Variants in NUAK2 observed in about 807,000 individuals in gnomAD.
NUAK2 encodes NUAK family kinase 2.
NUAK2 carries 20 observed loss-of-function variants against 29.8 expected under a neutral mutation model. The observed-to-expected ratio is 0.67, with a 90% CI of 0.47 to 0.98. NUAK2 has a LOEUF of 0.98. Ranked by LOEUF, NUAK2 falls within the 50% of genes least tolerant of loss-of-function variation. The pLI is 0.00. For synonymous variants in NUAK2, 331 were observed against 342.6 expected (o/e 0.97, Z 0.37); for missense variants, 719 against 834.5 (o/e 0.86, Z 1.71).
intron 1 of NUAK2, 39 bp downstream of exon 1, chr1:205,321,359 C>A (rs538520417): frequency 1.9e-6 from 3 of 1,560,628 alleles, no homozygotes; most frequent in South Asian, 1.2e-5. Flanking sequence ...GCGGCCAAGC[C>A]GGAGCCCGCC....
rs761600001 is a variant in NUAK2 at position 205,308,654 on chromosome 1, C to T, written c.431G>A (p.Arg144Gln). 6.8e-6 allele frequency: 11 copies of T among 1,613,956 alleles called. No homozygotes were observed. Among genetic ancestry groups the T allele is most frequent in the East Asian group, 6.7e-5 (3 of 44,872 alleles). ...AGCTTCGCGCTCACTGAGCTGCTGCCGCTCGCTGATGTAGTCATAAAGGTC... is the reference window on the plus strand; with the variant it reads ...AGCTTCGCGCTCACTGAGCTGCTGCTGCTCGCTGATGTAGTCATAAAGGTC... ...RGDLYDYISE[R>Q]QQLSEREARH... Residue 144 changes from arginine (R) to glutamine (Q), a missense_variant, in exon 3 of 7, where the codon CGG (arginine) becomes CAG (glutamine). Physicochemically the swap from Arg to Gln is conservative, Grantham distance 43. Around this residue, in one of 3 missense-constraint regions of NUAK2, gnomAD observed 283 missense variants for 345.6 expected, o/e 0.82. Transcript: ENST00000367157. This position sits in a 1 kb window ranked among gnomAD's most constrained non-coding sequence, Gnocchi z 4.1.
At chr1:205,310,499 G>A (rs1558674204) in intron 2 of NUAK2, among the ~76,000 whole-genome samples, 1 of 152,256 alleles carries the variant, frequency 6.6e-6, no homozygotes, top group East Asian at 1.9e-4. Context: ...GAATCTGAAG[G>A]TGCCAGAGAA....
At chr1:205,309,768 A>G (rs1381514062) in intron 2 of NUAK2, among the ~76,000 whole-genome samples, 1 of 152,222 alleles carries the variant, frequency 6.6e-6, no homozygotes, top group Admixed American at 6.5e-5. Flanking sequence ...GAGCTGAGAT[A>G]TCCATCACCA....
At chr1:205,319,668 G>A (rs1662378784) in intron 1 of NUAK2, among the ~76,000 whole-genome samples, 2 of 152,184 alleles carry the variant, frequency 1.3e-5, no homozygotes, top group South Asian at 4.1e-4. Flanking sequence ...TTTGCAGAAA[G>A]AGAAAGAAAA....
At position 205,304,496 on chromosome 1, in the gene NUAK2, G is replaced by A. The variant is rs757921296; in HGVS notation, c.841C>T (p.Arg281Trp). The A allele has an allele frequency of 4.0e-6, 6 of 1,514,722 alleles. No homozygotes were observed. Among genetic ancestry groups the A allele is most frequent in the Admixed American group, 2.2e-5 (1 of 44,716 alleles). The allele number at this position is 1,514,722 out of a possible 1,614,324, so 93.8% of individuals were successfully genotyped here. ...GTGGGGTTCACCATCAACAGCCACC[G>A]GATCAGGCCACAGGCATCTGGAAGA... Reference protein sequence around the residue: ...PKPSDACGLIRWLLMVNPTRR... With the variant: ...PKPSDACGLIWWLLMVNPTRR... The change falls in exon 7 of 7, where the codon CGG becomes TGG. Residue 281 changes from arginine (R) to tryptophan (W), a missense_variant. Arg to Trp is a moderately radical substitution (Grantham distance 101). This residue lies in a region of NUAK2 where 430 missense variants were observed against 465.7 expected (regional missense o/e 0.92). Transcript: ENST00000367157. This position sits in a 1 kb window ranked among gnomAD's most constrained non-coding sequence, Gnocchi z 6.5.
rs1397511532 is a variant in NUAK2, at chr1:205,304,252, C to T, written c.1085G>A (p.Gly362Glu). 1 of 1,614,110 alleles carries T rather than the reference C, an allele frequency of 6.2e-7. No homozygotes were observed. The highest frequency in any genetic ancestry group is 8.5e-7 in the Non-Finnish European group (1 of 1,180,010). Residue 362 changes from glycine to glutamate, a missense_variant, in exon 7 of 7, where the codon GGA becomes GAA. By Grantham distance (98) the Gly-to-Glu change is moderately conservative (BLOSUM62 -2). Transcript: ENST00000367157. The surrounding 1 kb of genome is among the most constrained non-coding windows in gnomAD (Gnocchi z 6.5). Reference protein sequence around the residue: ...SFFKQHAPGGGSTTPGLERQH... With the variant: ...SFFKQHAPGGESTTPGLERQH... ...GCGCTCCAGGCCAGGGGTGGTGCTT[C>T]CCCCACCAGGTGCATGCTGCTTGAA...
At chr1:205,306,139 G>C (rs750156940) in intron 5 of NUAK2, 49 bp downstream of exon 5, 1 of 1,549,566 alleles carries the variant, frequency 6.5e-7, no homozygotes, top group Admixed American at 2.1e-5. Flanking sequence ...AGGATCTAAA[G>C]TCATAGTAAA....
intron 1 of NUAK2, among the ~76,000 whole-genome samples, chr1:205,312,450 C>G (rs1239175312): frequency 6.6e-6 from 1 of 152,162 alleles, no homozygotes; most frequent in Non-Finnish European, 1.5e-5. Flanking sequence ...CTGTAACTTG[C>G]TATAAGCAAT....
rs566303620 is a variant in NUAK2, at chr1:205,317,185, C to T, written c.231+4213G>A. On this transcript the variant is annotated intron_variant, in intron 1 of 6. Transcript: ENST00000367157. Reference sequence around the variant, plus strand: ...CAATTGGTAAACACTGCCTCCCTCCCAGGGACTCAGATCAGGAACGATCTG... The same window carrying T: ...CAATTGGTAAACACTGCCTCCCTCCTAGGGACTCAGATCAGGAACGATCTG... Among the ~76,000 whole-genome samples, 8 of 152,324 alleles carry T rather than the reference C, an allele frequency of 5.3e-5. No individual in the cohort carries two copies. The South Asian group carries it at 1.7e-3, about 32-fold the overall frequency.
chr1:205,304,902 C>T lies in NUAK2; in HGVS notation c.823+297G>A, dbSNP rs1468938924. Among the ~76,000 whole-genome samples the T allele has an allele frequency of 6.6e-6, 1 of 152,204 alleles. No individual in the cohort carries two copies. The highest frequency in any genetic ancestry group is 1.5e-5 in the Non-Finnish European group (1 of 68,040). On this transcript the variant is annotated intron_variant, in intron 6 of 6. Coordinates refer to ENST00000367157, the MANE Select transcript of NUAK2 (RefSeq NM_030952.3). This position sits in a 1 kb window ranked among gnomAD's most constrained non-coding sequence, Gnocchi z 6.5. Reference sequence around the variant, plus strand: ...GTCATAGTGAAGGACAAAAAGATTTCTGAAGATGAGAACAAAAGCAATAGG... The same window carrying T: ...GTCATAGTGAAGGACAAAAAGATTTTTGAAGATGAGAACAAAAGCAATAGG...
In NUAK2 at chr1:205,306,660, A is replaced by G. The variant is rs114191708; in HGVS notation, c.571-353T>C. 9.8e-3 allele frequency among the ~76,000 whole-genome samples: 1,496 copies of G among 152,176 alleles called. 24 individuals are homozygous for G. Among genetic ancestry groups the G allele is most frequent in the African/African-American group, 0.034 (1,422 of 41,480 alleles). On this transcript the variant is annotated intron_variant, in intron 4 of 6. Coordinates refer to ENST00000367157, the MANE Select transcript of NUAK2 (RefSeq NM_030952.3). Reference sequence around the variant, plus strand: ...TCCTTCTAGAAGCCTAGAGTTTCCAATGCCTCCCTGGAGCCCCTGCTCATT... The same window carrying G: ...TCCTTCTAGAAGCCTAGAGTTTCCAGTGCCTCCCTGGAGCCCCTGCTCATT...
intron 1 of NUAK2, among the ~76,000 whole-genome samples, chr1:205,314,223 C>T (rs1662294885): frequency 6.6e-6 from 1 of 152,226 alleles, no homozygotes; most frequent in African/African-American, 2.4e-5. Context: ...CACTCCTCCC[C>T]CAGAGCTTCA....
Position 205,308,553 on chromosome 1 carries a change from A to G in NUAK2, c.504+28T>C. The G allele has an allele frequency of 1.2e-6, 2 of 1,604,968 alleles. No individual in the cohort carries two copies. The highest frequency in any genetic ancestry group is 8.5e-7 in the Non-Finnish European group (1 of 1,172,296). On this transcript the variant is annotated intron_variant, in intron 3 of 6. Transcript: ENST00000367157. This position sits in a 1 kb window ranked among gnomAD's most constrained non-coding sequence, Gnocchi z 4.1. ...AGAGCCCTGGGGACCACCCACTGAG[A>G]ATATGGCTGGAGCAGGTAGGTGCTC...
Position 205,310,637 on chromosome 1 carries a change from T to C in NUAK2, c.352+1068A>G, listed in dbSNP as rs548768142. ...CACACACCAATCACCACACTCAGCC[T>C]AGCTGGAGATATGGGTGTAAGGCAG... On this transcript the variant is annotated intron_variant, in intron 2 of 6. Coordinates refer to ENST00000367157, the MANE Select transcript of NUAK2 (RefSeq NM_030952.3). Among the ~76,000 whole-genome samples the C allele has an allele frequency of 1.7e-3, 253 of 152,114 alleles. 6 individuals carry two copies. The highest frequency in any genetic ancestry group is 5.1e-4 in the Non-Finnish European group (35 of 67,980).
Position 205,303,584 on chromosome 1 carries a change from A to G in NUAK2, c.1753T>C (p.Ser585Pro), listed in dbSNP as rs1662119134. 1.9e-6 allele frequency: 3 copies of G among 1,612,978 alleles called. No homozygotes were observed. Among genetic ancestry groups the G allele is most frequent in the Non-Finnish European group, 2.5e-6 (3 of 1,179,786 alleles). The change falls in exon 7 of 7, where the codon TCA becomes CCA. Residue 585 changes from serine to proline, a missense_variant. This residue lies in a region of NUAK2 where 430 missense variants were observed against 465.7 expected (regional missense o/e 0.92). Transcript: ENST00000367157. ...DNLTGLEEPP[S>P]EGPGSCLRRW... ...CTCAGGCAGCTTCCAGGGCCCTCTG[A>G]GGGGGGCTCCTCAAGCCCCGTGAGG...
chr1:205,317,925 G>C (rs1271733185), intron 1 of NUAK2, among the ~76,000 whole-genome samples: 7 of 152,234 alleles, frequency 4.6e-5, no homozygotes, highest in African/African-American at 1.4e-4. Flanking sequence ...CCCCAGGAAA[G>C]GGAAGGGCAG....
rs778951173 is a variant in NUAK2 at position 205,304,056 on chromosome 1, C to T, written c.1281G>A (p.Pro427=). ...GGCTCGCAGGGATTGGGCTGAGCTC[C>T]GGAGGGTCCTCCTGTACCCCTTCTG... is the stretch of plus-strand genomic sequence containing the variant. ...ASAEGVQEDP[P]ELSPIPASPG... Residue 427 remains proline, a synonymous_variant, in exon 7 of 7, where the codon CCG becomes CCA. Coordinates refer to ENST00000367157, the MANE Select transcript of NUAK2 (RefSeq NM_030952.3). This position sits in a 1 kb window ranked among gnomAD's most constrained non-coding sequence, Gnocchi z 6.5. 1.4e-5 allele frequency: 22 copies of T among 1,614,112 alleles called. No homozygotes were observed. The highest frequency in any genetic ancestry group is 3.3e-4 in the Middle Eastern group (2 of 6,062).
At chr1:205,312,859 T>A (rs997033532) in intron 1 of NUAK2, among the ~76,000 whole-genome samples, 2 of 152,108 alleles carry the variant, frequency 1.3e-5, no homozygotes, top group Non-Finnish European at 2.9e-5. Context: ...GTCCATAGGA[T>A]GGAATAGAAT....
intron 1 of NUAK2, among the ~76,000 whole-genome samples, chr1:205,320,005 C>T (rs1275984190): frequency 6.6e-6 from 1 of 152,058 alleles, no homozygotes; most frequent in East Asian, 1.9e-4. Flanking sequence ...AATGCCTAAA[C>T]CACCTGCTCT....
Sources: gnomAD v4.1 joint callset for allele counts (sites outside exome capture counted in the v4.1 genomes callset) on GRCh38, gnomAD v4.1.1 for gene constraint, gnomAD v4.1.1 regional missense constraint, Gnocchi (gnomAD v3.1) non-coding constraint, MANE v1.5 for transcripts, NCBI Gene and HGNC (gene_info 2026-07-23, HGNC 2026-07-21) for gene names.